EEFSEC: variants seen among roughly 807,000 people sequenced by gnomAD.
EEFSEC encodes the protein selenocysteine-specific elongation factor.
A neutral mutation model predicts 42.1 loss-of-function variants in EEFSEC; 43 were observed. The observed-to-expected ratio is 1.02, with a 90% CI of 0.80 to 1.32. The LOEUF (loss-of-function observed/expected upper bound fraction) is 1.32, where lower values mean the gene tolerates loss of function less well. Ranked by LOEUF, EEFSEC falls within the 40% of genes most tolerant of loss-of-function variation. EEFSEC has a pLI of 0.00. For missense variants in EEFSEC, 745 were observed against 803.6 expected (o/e 0.93, Z 0.88); for synonymous variants, 354 against 339.1 (o/e 1.04, Z -0.48).
At chr3:128,365,971 G>A (rs1305034928) in intron 6 of EEFSEC, among the ~76,000 whole-genome samples, 2 of 152,314 alleles carry the variant, frequency 1.3e-5, no homozygotes, top group East Asian at 3.9e-4. Context: ...AAGTGCTTCA[G>A]CTCAGCCCAG....
intron 1 of EEFSEC, among the ~76,000 whole-genome samples, chr3:128,190,942 T>TA (rs1049522226): frequency 6.6e-6 from 1 of 152,036 alleles, no homozygotes; most frequent in Non-Finnish European, 1.5e-5. Flanking sequence ...TTTATTATGG[T>TA]AAAAAATATA....
chr3:128,353,631 C>G (rs1269413624), intron 5 of EEFSEC, among the ~76,000 whole-genome samples: 1 of 152,222 alleles, frequency 6.6e-6, no homozygotes, highest in Non-Finnish European at 1.5e-5. Flanking sequence ...TGACATGGCT[C>G]TGGTGAGCCC....
intron 5 of EEFSEC, among the ~76,000 whole-genome samples, chr3:128,346,847 A>T (rs183827350): frequency 9.7e-4 from 148 of 152,350 alleles, no homozygotes; most frequent in Non-Finnish European, 1.7e-3. Flanking sequence ...TGAAATTTAA[A>T]TTTTATATAG....
chr3:128,403,402 C>A (rs2068071186), intron 6 of EEFSEC, among the ~76,000 whole-genome samples: 1 of 152,194 alleles, frequency 6.6e-6, no homozygotes. Flanking sequence ...GGGGGCAGGA[C>A]TGCACCTCCC....
chr3:128,249,688 T>C (rs2107904320), intron 2 of EEFSEC, among the ~76,000 whole-genome samples: 1 of 152,370 alleles, frequency 6.6e-6, no homozygotes, highest in South Asian at 2.1e-4. Flanking sequence ...AATATACTAT[T>C]TGGCCTTTTG....
In EEFSEC at chr3:128,264,724, G is replaced by A. The variant is rs1463738929; in HGVS notation, c.729G>A (p.Gly243=). The stretch of plus-strand genomic sequence containing the variant: ...AAGGCCAAGGCACTGTGATGACAGG[G>A]ACCATCCTTTCAGGCTCCATCAGCC... ...SIKGQGTVMT[G]TILSGSISLG... Residue 243 remains glycine, a synonymous_variant, in exon 4 of 7, where the codon GGG becomes GGA. Coordinates refer to ENST00000254730, the MANE Select transcript of EEFSEC (RefSeq NM_021937.5). 2.5e-6 allele frequency: 4 copies of A among 1,613,994 alleles called. No homozygotes were observed. Among genetic ancestry groups the A allele is most frequent in the African/African-American group, 1.3e-5 (1 of 74,898 alleles).
At chr3:128,318,807 G>A (rs1260204583) in intron 4 of EEFSEC, among the ~76,000 whole-genome samples, 1 of 152,234 alleles carries the variant, frequency 6.6e-6, no homozygotes, top group African/African-American at 2.4e-5. Context: ...CAGATGTGTA[G>A]ACGAGCAGCG....
chr3:128,169,384 A>G (rs1203075578), intron 1 of EEFSEC, among the ~76,000 whole-genome samples: 1 of 152,152 alleles, frequency 6.6e-6, no homozygotes, highest in Non-Finnish European at 1.5e-5. Flanking sequence ...GTATATTTGG[A>G]CAGATGCATA....
chr3:128,329,147 G>A (rs1436002504), intron 4 of EEFSEC, among the ~76,000 whole-genome samples: 4 of 152,204 alleles, frequency 2.6e-5, no homozygotes, highest in African/African-American at 7.2e-5. Flanking sequence ...CACCCACGGA[G>A]GGAGAGCGAG....
At chr3:128,312,436 G>A (rs2066899569) in intron 4 of EEFSEC, among the ~76,000 whole-genome samples, 1 of 152,230 alleles carries the variant, frequency 6.6e-6, no homozygotes. Flanking sequence ...TGGAGTAGCG[G>A]GATCCCACCG....
chr3:128,372,724 T>C (rs750127694), intron 6 of EEFSEC, among the ~76,000 whole-genome samples: 12 of 152,162 alleles, frequency 7.9e-5, no homozygotes, highest in Non-Finnish European at 1.8e-4. Flanking sequence ...CCCCCTGAGG[T>C]GGGCACTATT....
chr3:128,280,025 C>T (rs922014997), intron 4 of EEFSEC, among the ~76,000 whole-genome samples: 10 of 152,178 alleles, frequency 6.6e-5, no homozygotes, highest in African/African-American at 2.2e-4. Context: ...TCATCAGATC[C>T]GCGAGGACAG....
At chr3:128,248,044 C>T (rs144024628) in intron 2 of EEFSEC, among the ~76,000 whole-genome samples, 11 of 152,308 alleles carry the variant, frequency 7.2e-5, no homozygotes, top group African/African-American at 2.6e-4. Flanking sequence ...AGAAAGCCAC[C>T]TGGTTGCTCA....
chr3:128,391,774 A>G (rs954625733), intron 6 of EEFSEC, among the ~76,000 whole-genome samples: 1 of 152,196 alleles, frequency 6.6e-6, no homozygotes, highest in Non-Finnish European at 1.5e-5. Flanking sequence ...CACCTGGCCC[A>G]CTCAGGCAGT....
chr3:128,355,980 C>A (rs552949442), intron 5 of EEFSEC, among the ~76,000 whole-genome samples: 1 of 152,294 alleles, frequency 6.6e-6, no homozygotes, highest in South Asian at 2.1e-4. Flanking sequence ...CTGCTCAGGG[C>A]CAGGCCCTGC....
chr3:128,229,982 T>A (rs2065943729), intron 1 of EEFSEC, among the ~76,000 whole-genome samples: 1 of 152,056 alleles, frequency 6.6e-6, no homozygotes, highest in Non-Finnish European at 1.5e-5. Flanking sequence ...TCCTTTTCCT[T>A]TCATTCTCTT....
intron 4 of EEFSEC, among the ~76,000 whole-genome samples, chr3:128,335,751 A>G (rs1375486806): frequency 6.6e-6 from 1 of 152,186 alleles, no homozygotes; most frequent in Non-Finnish European, 1.5e-5. Context: ...GGAGGGGGCA[A>G]CAATCCAAGC....
intron 6 of EEFSEC, among the ~76,000 whole-genome samples, chr3:128,398,585 CAT>C (rs1232093462): frequency 6.6e-6 from 1 of 152,160 alleles, no homozygotes; most frequent in Non-Finnish European, 1.5e-5. Flanking sequence ...CCTGGCCACT[CAT>C]GTGCAGGAGC....
intron 6 of EEFSEC, among the ~76,000 whole-genome samples, chr3:128,396,805 A>G (rs41508945): frequency 0.015 from 2,256 of 152,358 alleles, 51 homozygotes; most frequent in African/African-American, 0.051. Flanking sequence ...AAGGTGCAGC[A>G]AACATTAGCT....
Sources: gnomAD v4.1 joint callset for allele counts (sites outside exome capture counted in the v4.1 genomes callset) on GRCh38, gnomAD v4.1.1 for gene constraint, MANE v1.5 for transcripts, NCBI Gene and HGNC (gene_info 2026-07-23, HGNC 2026-07-21) for gene names.